The following BRCA1 variants were observed in gnomAD, a reference collection of about 807,000 sequenced individuals.
BRCA1 encodes BRCA1 DNA repair associated.
A neutral mutation model predicts 173.7 loss-of-function variants in BRCA1; 140 were observed. That is an observed-to-expected ratio of 0.81 (90% confidence interval 0.70 to 0.93). BRCA1 has a LOEUF of 0.93. Among genes scored for constraint, BRCA1 ranks in the 40% least tolerant of loss-of-function variants. The pLI, the probability that BRCA1 is intolerant of heterozygous loss-of-function variation, is 0.00. For synonymous variants in BRCA1, 662 were observed against 756.0 expected, an observed-to-expected ratio of 0.88 and a Z score of 2.04; for missense variants, 1,983 against 2,172.5, an observed-to-expected ratio of 0.91 and a Z score of 1.73.
chr17:43,125,630 C>T (rs2055848132), upstream of BRCA1: 2 of 259,778 alleles, frequency 7.7e-6, no homozygotes, highest in Non-Finnish European at 1.5e-5. Context: ...TGCCCTCTAG[C>T]CTCTACTCTT....
At chr17:43,141,249 G>A (rs1186514009) in intron 1 of BRCA1, among the ~76,000 whole-genome samples, 1 of 152,164 alleles carries the variant, frequency 6.6e-6, no homozygotes, top group Non-Finnish European at 1.5e-5. Context: ...GGACAAACTG[G>A]GCAAAATAGA....
chr17:43,100,354 G>A (rs1005566430), intron 6 of BRCA1, among the ~76,000 whole-genome samples: 2 of 136,616 alleles, frequency 1.5e-5, no homozygotes, highest in African/African-American at 5.5e-5. Flanking sequence ...TTTTTGTTTT[G>A]GGGGGTGTAC....
At chr17:43,082,941 G>C (rs1019616713) in intron 11 of BRCA1, among the ~76,000 whole-genome samples, 8 of 152,056 alleles carry the variant, frequency 5.3e-5, no homozygotes, top group Non-Finnish European at 1.2e-4. Flanking sequence ...TTATTTATAT[G>C]GGCACATTTC....
intron 3 of BRCA1, among the ~76,000 whole-genome samples, chr17:43,113,550 G>C (rs1005145682): frequency 2.0e-5 from 3 of 151,938 alleles, no homozygotes; most frequent in African/African-American, 7.3e-5. Context: ...GTGTGTTTTA[G>C]TAGAGACAGT....
intron 19 of BRCA1, 75 bp downstream of exon 19, chr17:43,056,977 C>T (rs2153342167): frequency 7.4e-7 from 1 of 1,345,170 alleles, no homozygotes; most frequent in East Asian, 2.3e-5. Context: ...AATGAAGCGG[C>T]CCATCTCTGC....
intron 8 of BRCA1, 145 bp from the exon 9 acceptor site, chr17:43,096,067 T>C (rs2054123845): frequency 1.4e-6 from 1 of 714,846 alleles, no homozygotes; most frequent in Non-Finnish European, 2.4e-6. Context: ...CTCTCTCCTT[T>C]AGAAACTTCT....
intron 16 of BRCA1, among the ~76,000 whole-genome samples, chr17:43,066,467 G>A (rs1435622766): frequency 6.6e-6 from 1 of 151,858 alleles, no homozygotes; most frequent in Non-Finnish European, 1.5e-5. Context: ...CTGGAGTGCA[G>A]TGGCAGGATC....
chr17:43,106,460 T>A lies in BRCA1; in HGVS notation c.208A>T (p.Lys70Ter), dbSNP rs2054770550. The change falls in exon 4 of 23, where the codon AAA becomes TAA. Residue 70 changes from lysine (K) to a stop codon, truncating the protein, a stop_gained. Transcript: ENST00000357654. LOFTEE classifies it high-confidence loss of function. ...CATCATTACCAAATTATATACCTTTTGGTTATATCATTCTTACATAAAGGA... is the reference window on the plus strand; with the variant it reads ...CATCATTACCAAATTATATACCTTTAGGTTATATCATTCTTACATAAAGGA... ...QCPLCKNDITKRSLQESTRFS... is the reference protein window; with the variant it reads ...QCPLCKNDIT The A allele has an allele frequency of 6.3e-7, 1 of 1,585,680 alleles. No homozygotes were observed. The highest frequency in any genetic ancestry group is 8.7e-7 in the Non-Finnish European group (1 of 1,155,850).
intron 14 of BRCA1, among the ~76,000 whole-genome samples, chr17:43,072,085 T>C (rs1254721157): frequency 1.3e-5 from 2 of 151,732 alleles, no homozygotes; most frequent in East Asian, 3.9e-4. Flanking sequence ...AAATATTTTA[T>C]TATTAAAGAA....
intron 13 of BRCA1, 77 bp downstream of exon 13, chr17:43,076,411 G>GA (rs1262655942): frequency 1.9e-6 from 3 of 1,565,584 alleles, no homozygotes; most frequent in Non-Finnish European, 1.8e-6. Context: ...AAAGTATGGT[G>GA]AAAAAAATTA....
intron 1 of BRCA1, among the ~76,000 whole-genome samples, chr17:43,137,210 A>C (rs1412214503): frequency 7.2e-6 from 1 of 139,510 alleles, no homozygotes; most frequent in Non-Finnish European, 1.5e-5. Context: ...ATGTTCTCAT[A>C]GGTGGGAACT....
At chr17:43,107,348 C>T (rs1034637777) in intron 3 of BRCA1, among the ~76,000 whole-genome samples, 2 of 151,484 alleles carry the variant, frequency 1.3e-5, no homozygotes, top group African/African-American at 4.8e-5. Flanking sequence ...CAGGTGTGAG[C>T]CACCATGCCT....
intron 3 of BRCA1, among the ~76,000 whole-genome samples, chr17:43,115,524 T>G (rs8176101): frequency 6.6e-6 from 1 of 151,064 alleles, no homozygotes; most frequent in Admixed American, 6.6e-5. Context: ...AAAGATAATA[T>G]ATGTCAAAAC....
At chr17:43,085,849 T>C (rs2053209124) in intron 11 of BRCA1, among the ~76,000 whole-genome samples, 1 of 152,108 alleles carries the variant, frequency 6.6e-6, no homozygotes, top group African/African-American at 2.4e-5. Flanking sequence ...TATAAATATA[T>C]ATATAAAACC....
chr17:43,059,125 T>G (rs2051634987), intron 18 of BRCA1, among the ~76,000 whole-genome samples: 1 of 152,184 alleles, frequency 6.6e-6, no homozygotes, highest in Admixed American at 6.5e-5. Flanking sequence ...TGTGTCCAAC[T>G]GCCTACTTAA....
In BRCA1 at chr17:43,112,738, TGAAAC is replaced by T. The variant is rs67177158; in HGVS notation, c.134+2983_134+2987del. The stretch of plus-strand genomic sequence containing the variant: ...ATCACAATCCTGACTATCACAAGCT[TGAAAC>T]CAAGCTTCTCACTCTTCTCCAGTTG... On this transcript the variant is annotated intron_variant, in intron 3 of 22. Coordinates refer to ENST00000357654, the MANE Select transcript of BRCA1 (RefSeq NM_007294.4). 68,132 of 151,714 alleles carry T rather than the reference TGAAAC, an allele frequency of 0.45. 17,013 individuals carry two copies. The highest frequency in any genetic ancestry group is 0.68 in the African/African-American group (28,115 of 41,346). 9.4% of individuals were successfully genotyped at this position (151,714 alleles called of 1,614,324 possible). A position where few individuals can be genotyped will look rare whatever the true frequency, so the allele number is the denominator to read the frequency against.
intron 1 of BRCA1, chr17:43,168,234 C>A: frequency 2.4e-6 from 1 of 425,412 alleles, no homozygotes. Flanking sequence ...TCAACGCAAA[C>A]AGCAGATAAA....
chr17:43,091,462 CTTGA>C lies in BRCA1; in HGVS notation c.4065_4068del (p.Asn1355LysfsTer10), dbSNP rs80357508. 53 of 1,613,548 alleles carry C rather than the reference CTTGA, an allele frequency of 3.3e-5. No homozygotes were observed. The highest frequency in any genetic ancestry group is 4.2e-5 in the Non-Finnish European group (49 of 1,179,898). On this transcript the variant is annotated frameshift_variant, in exon 10 of 23. Coordinates refer to ENST00000357654, the MANE Select transcript of BRCA1 (RefSeq NM_007294.4). LOFTEE classifies it high-confidence loss of function. The stretch of plus-strand genomic sequence containing the variant: ...AAGTTTGAATCCATGCTTTGCTCTT[CTTGA>C]TTATTTTCTTCCAAGCCCGTTCCTC...
chr17:43,143,790 C>T (rs2056097244), intron 1 of BRCA1, among the ~76,000 whole-genome samples: 3 of 152,154 alleles, frequency 2.0e-5, no homozygotes, highest in Non-Finnish European at 4.4e-5. Context: ...GTAGCCCCAC[C>T]AGTATGTTTT....
Sources: gnomAD v4.1 joint callset for allele counts (sites outside exome capture counted in the v4.1 genomes callset) on GRCh38, gnomAD v4.1.1 for gene constraint, MANE v1.5 for transcripts, NCBI Gene and HGNC (gene_info 2026-07-23, HGNC 2026-07-21) for gene names.